Variants in ANKFN1 observed in about 807,000 individuals in gnomAD.
ANKFN1 encodes the protein ankyrin repeat and fibronectin type-III domain-containing protein 1.
ANKFN1 carries 74 observed loss-of-function variants against 108.7 expected under a neutral mutation model. The observed-to-expected ratio is 0.68, with a 90% CI of 0.56 to 0.83. ANKFN1 has a LOEUF of 0.83. Ranked by LOEUF, ANKFN1 falls within the 40% of genes least tolerant of loss-of-function variation. The pLI is 0.00. For missense variants in ANKFN1, 1,505 were observed against 1,382.3 expected, an observed-to-expected ratio of 1.09 and a Z score of -1.41; for synonymous variants, 547 against 516.2, an observed-to-expected ratio of 1.06 and a Z score of -0.81.
intron 3 of ANKFN1, among the ~76,000 whole-genome samples, chr17:56,288,049 C>T (rs892483879): frequency 1.3e-5 from 2 of 149,642 alleles, no homozygotes; most frequent in African/African-American, 5.1e-5. Context: ...CATTGAAAGG[C>T]CCTGCATTTT....
intron 6 of ANKFN1, among the ~76,000 whole-genome samples, chr17:56,368,656 G>T (rs2046729702): frequency 6.6e-6 from 1 of 151,814 alleles, no homozygotes; most frequent in Non-Finnish European, 1.5e-5. Flanking sequence ...CTCTTTTCCT[G>T]ACCAATCTTG....
intron 8 of ANKFN1, among the ~76,000 whole-genome samples, chr17:56,428,835 G>C (rs1013482193): frequency 6.6e-6 from 1 of 151,348 alleles, no homozygotes; most frequent in Admixed American, 6.6e-5. Flanking sequence ...CACACATTAT[G>C]GTTTCTTGGG....
At chr17:56,106,401 G>A (rs569457565) in intron 4 of ANKFN1, among the ~76,000 whole-genome samples, 1 of 152,306 alleles carries the variant, frequency 6.6e-6, no homozygotes, top group South Asian at 2.1e-4. Context: ...TGTTACATGT[G>A]TACAAAGGTA....
chr17:56,396,325 G>C (rs771752146), intron 8 of ANKFN1, among the ~76,000 whole-genome samples: 9 of 152,138 alleles, frequency 5.9e-5, no homozygotes, highest in Non-Finnish European at 1.2e-4. Context: ...GCACACGCCT[G>C]TAATTCCAGC....
intron 6 of ANKFN1, among the ~76,000 whole-genome samples, chr17:56,363,417 G>T (rs1598462590): frequency 6.6e-6 from 1 of 152,130 alleles, no homozygotes; most frequent in South Asian, 2.1e-4. Context: ...CAAAAAGATG[G>T]AAGATAAGTG....
intron 8 of ANKFN1, among the ~76,000 whole-genome samples, chr17:56,394,236 C>T (rs1598518620): frequency 6.6e-6 from 1 of 152,176 alleles, no homozygotes; most frequent in African/African-American, 2.4e-5. Context: ...AGACCCCTGC[C>T]CCTTGTCTTC....
chr17:56,246,288 C>T (rs1917949341), intron 3 of ANKFN1, among the ~76,000 whole-genome samples: 1 of 152,118 alleles, frequency 6.6e-6, no homozygotes, highest in Admixed American at 6.6e-5. Context: ...TGGGCAGCGG[C>T]TTAGTGAGGG....
intron 4 of ANKFN1, among the ~76,000 whole-genome samples, chr17:56,065,636 T>A (rs924488897): frequency 1.3e-5 from 2 of 152,152 alleles, no homozygotes; most frequent in South Asian, 4.1e-4. Flanking sequence ...TCTCAGGGAA[T>A]AAGAAGGCCC....
At chr17:56,114,489 A>G (rs1463328283) in intron 4 of ANKFN1, among the ~76,000 whole-genome samples, 1 of 152,220 alleles carries the variant, frequency 6.6e-6, no homozygotes, top group Non-Finnish European at 1.5e-5. Context: ...GTCATCATCC[A>G]GATTGGCAAA....
At chr17:56,233,136 T>C (rs1379557822) in intron 3 of ANKFN1, among the ~76,000 whole-genome samples, 1 of 152,024 alleles carries the variant, frequency 6.6e-6, no homozygotes, top group African/African-American at 2.4e-5. Flanking sequence ...ATAAAAATAA[T>C]AATAGTAGTA....
intron 8 of ANKFN1, among the ~76,000 whole-genome samples, chr17:56,391,221 A>ATG (rs1238488687): frequency 9.7e-5 from 2 of 20,576 alleles, no homozygotes; most frequent in African/African-American, 1.8e-4. Context: ...ACATATATAT[A>ATG]TATATATATA....
At chr17:56,279,392 G>A (rs549131246) in intron 3 of ANKFN1, among the ~76,000 whole-genome samples, 1 of 152,180 alleles carries the variant, frequency 6.6e-6, no homozygotes, top group Non-Finnish European at 1.5e-5. Context: ...TACTAATATT[G>A]AAATTAGTAA....
At chr17:56,225,750 A>T (rs1418787395) in intron 2 of ANKFN1, among the ~76,000 whole-genome samples, 1 of 152,262 alleles carries the variant, frequency 6.6e-6, no homozygotes, top group Non-Finnish European at 1.5e-5. Flanking sequence ...GCACACTGCC[A>T]CAGTATGCTT....
rs920616659 is a variant in ANKFN1, at chr17:56,364,770, G to T, written c.602-7876G>T. 2.0e-5 allele frequency among the ~76,000 whole-genome samples: 3 copies of T among 152,216 alleles called. No individual in the cohort carries two copies. In the East Asian group the frequency reaches 5.8e-4, roughly 29 times the overall value. On this transcript the variant is annotated intron_variant, in intron 6 of 20. Coordinates refer to ENST00000682825, the MANE Select transcript of ANKFN1 (RefSeq NM_001370326.1). ...TGAGTCAACATCCTCCTGGAAAGTT[G>T]CAGAGAACACTTCAGAGCCCCATGT...
chr17:56,466,704 G>T, intron 15 of ANKFN1, 133 bp downstream of exon 15: 1 of 731,236 alleles, frequency 1.4e-6, no homozygotes, highest in Admixed American at 2.9e-5. Flanking sequence ...ATATGTTGTT[G>T]CAAATGCAGA....
intron 18 of ANKFN1, among the ~76,000 whole-genome samples, chr17:56,487,479 G>A (rs777434440): frequency 6.6e-6 from 1 of 151,642 alleles, no homozygotes; most frequent in Non-Finnish European, 1.5e-5. Context: ...GTTGGCCTTT[G>A]TTGATTTCCT....
intron 1 of ANKFN1, among the ~76,000 whole-genome samples, chr17:56,198,461 A>G (rs994049126): frequency 6.6e-6 from 1 of 152,060 alleles, no homozygotes; most frequent in Non-Finnish European, 1.5e-5. Context: ...CTATAAATAG[A>G]TGAAGCTTTG....
intron 4 of ANKFN1, among the ~76,000 whole-genome samples, chr17:56,056,016 T>C (rs930323953): frequency 1.3e-5 from 2 of 152,194 alleles, no homozygotes; most frequent in African/African-American, 4.8e-5. Flanking sequence ...TTTTGCTGCT[T>C]ATATTTCCTC....
chr17:56,115,380 A>G (rs1053598237), intron 4 of ANKFN1, among the ~76,000 whole-genome samples: 1 of 152,188 alleles, frequency 6.6e-6, no homozygotes, highest in African/African-American at 2.4e-5. Context: ...CAAATTCTTC[A>G]AAACAAAACA....
Sources: gnomAD v4.1 joint callset for allele counts (sites outside exome capture counted in the v4.1 genomes callset) on GRCh38, gnomAD v4.1.1 for gene constraint, MANE v1.5 for transcripts, NCBI Gene and HGNC (gene_info 2026-07-23, HGNC 2026-07-21) for gene names.